The following ALOX5AP variants were observed in gnomAD, a reference collection of about 807,000 sequenced individuals.
The protein encoded by ALOX5AP is arachidonate 5-lipoxygenase-activating protein.
ALOX5AP carries 9 observed loss-of-function variants against 18.5 expected under a neutral mutation model. The ratio of observed to expected loss-of-function variants is 0.49; its 90% CI spans 0.29 to 0.85. The LOEUF (loss-of-function observed/expected upper bound fraction) is 0.85. ALOX5AP is among the 40% of genes least tolerant of loss of function. ALOX5AP has a pLI of 0.08. For synonymous variants in ALOX5AP, 81 were observed against 78.6 expected, an observed-to-expected ratio of 1.03 and a Z score of -0.16; for missense variants, 172 against 202.5, an observed-to-expected ratio of 0.85 and a Z score of 0.91.
chr13:30,717,648 T>C (rs1951559837), intron 1 of ALOX5AP, among the ~76,000 whole-genome samples: 1 of 152,072 alleles, frequency 6.6e-6, no homozygotes, highest in South Asian at 2.1e-4. Flanking sequence ...TAGGGCGAGG[T>C]GTGGAAAGGT....
intron 1 of ALOX5AP, among the ~76,000 whole-genome samples, chr13:30,740,207 A>AT (rs974572603): frequency 2.0e-5 from 3 of 152,130 alleles, no homozygotes; most frequent in Non-Finnish European, 2.9e-5. Context: ...CGTATGAGTT[A>AT]TTTTTTTGAG....
At chr13:30,714,294 T>G (rs1295086222) in intron 1 of ALOX5AP, among the ~76,000 whole-genome samples, 1 of 150,610 alleles carries the variant, frequency 6.6e-6, no homozygotes, top group Non-Finnish European at 1.5e-5. Flanking sequence ...GGAAGCTGGG[T>G]GATCCTTTCT....
intron 2 of ALOX5AP, among the ~76,000 whole-genome samples, chr13:30,745,765 C>A (rs540692503): frequency 6.6e-6 from 1 of 152,182 alleles, no homozygotes; most frequent in African/African-American, 2.4e-5. Flanking sequence ...TTGGACACAT[C>A]CACATGCAAG....
chr13:30,732,833 AAGAG>A (rs375319951), upstream of ALOX5AP, among the ~76,000 whole-genome samples: 1 of 151,922 alleles, frequency 6.6e-6, no homozygotes, highest in African/African-American at 2.4e-5. Context: ...AGAGAAGGGA[AAGAG>A]AGAGAGAAAG....
At chr13:30,742,992 G>A (rs1210740901) in intron 1 of ALOX5AP, among the ~76,000 whole-genome samples, 2 of 151,498 alleles carry the variant, frequency 1.3e-5, no homozygotes, top group African/African-American at 4.9e-5. Flanking sequence ...ATCTGATTCT[G>A]CTAAGTTCCT....
chr13:30,717,212 A>C (rs1007971707), intron 1 of ALOX5AP, among the ~76,000 whole-genome samples: 3 of 152,266 alleles, frequency 2.0e-5, no homozygotes, highest in Non-Finnish European at 4.4e-5. Context: ...AGCTGAGGGC[A>C]GAAGCCAGAC....
intron 1 of ALOX5AP, among the ~76,000 whole-genome samples, chr13:30,730,012 G>A (rs1186142705): frequency 6.6e-6 from 1 of 152,194 alleles, no homozygotes; most frequent in African/African-American, 2.4e-5. Context: ...GAAGTTTTGC[G>A]GATACTACAC....
chr13:30,756,077 C>A (rs754965545), intron 4 of ALOX5AP, 52 bp downstream of exon 4: 1 of 1,545,034 alleles, frequency 6.5e-7, no homozygotes, highest in Admixed American at 1.7e-5. Context: ...GATTTTTGAG[C>A]AGGAAGAGTG....
At chr13:30,752,164 G>T (rs758670042) in intron 3 of ALOX5AP, 42 bp downstream of exon 3, 2 of 1,593,246 alleles carry the variant, frequency 1.3e-6, no homozygotes, top group East Asian at 2.2e-5. Flanking sequence ...TCTATAAAGT[G>T]CATCTCAAGG....
intron 1 of ALOX5AP, among the ~76,000 whole-genome samples, chr13:30,737,897 T>C (rs1171968024): frequency 1.3e-5 from 2 of 152,204 alleles, no homozygotes; most frequent in Non-Finnish European, 2.9e-5. Flanking sequence ...TGTTTTTAAC[T>C]GTGAGTTTTT....
At chr13:30,717,564 C>G (rs922185664) in intron 1 of ALOX5AP, among the ~76,000 whole-genome samples, 3 of 152,224 alleles carry the variant, frequency 2.0e-5, no homozygotes, top group South Asian at 2.1e-4. Flanking sequence ...GCTCACAGAA[C>G]TCAGGGAAAC....
chr13:30,762,326 C>T (rs146764970), intron 4 of ALOX5AP, among the ~76,000 whole-genome samples: 103 of 152,262 alleles, frequency 6.8e-4, no homozygotes, highest in African/African-American at 2.4e-3. Flanking sequence ...TGGTGGCTCA[C>T]GCCTGTAATC....
At chr13:30,756,594 A>C (rs562062683) in intron 4 of ALOX5AP, among the ~76,000 whole-genome samples, 2 of 152,180 alleles carry the variant, frequency 1.3e-5, no homozygotes, top group Non-Finnish European at 2.9e-5. Context: ...GGATCACCTG[A>C]GGTCAGGAGT....
chr13:30,753,980 C>T (rs1951871945), intron 3 of ALOX5AP, among the ~76,000 whole-genome samples: 1 of 152,174 alleles, frequency 6.6e-6, no homozygotes, highest in South Asian at 2.1e-4. Context: ...TGGCTCATGC[C>T]TGTAATCCCA....
rs76751966 is a variant in ALOX5AP at position 30,726,353 on chromosome 13, C to T, written c.117-9198C>T. ...TGTGATTAATGTCAATAGAAAGTGA[C>T]ACCAACCTAGTACACAGAGGACTGA... On this transcript the variant is annotated intron_variant, in intron 1 of 5. Transcript: ENST00000617770. Among the ~76,000 whole-genome samples the T allele has an allele frequency of 5.2e-3, 790 of 152,310 alleles. 5 individuals are homozygous for T. Among genetic ancestry groups the T allele is most frequent in the African/African-American group, 0.018 (764 of 41,552 alleles).
intron 1 of ALOX5AP, among the ~76,000 whole-genome samples, chr13:30,741,359 C>T (rs1265094537): frequency 1.3e-5 from 2 of 150,394 alleles, no homozygotes; most frequent in African/African-American, 4.9e-5. Context: ...CTTTAAGTAA[C>T]CTCTAGATAA....
chr13:30,747,349 G>A (rs1342735506), intron 2 of ALOX5AP, among the ~76,000 whole-genome samples: 1 of 152,136 alleles, frequency 6.6e-6, no homozygotes, highest in Non-Finnish European at 1.5e-5. Flanking sequence ...ACTAATTTTT[G>A]TATTTTTAGT....
intron 1 of ALOX5AP, among the ~76,000 whole-genome samples, chr13:30,729,284 T>G (rs142452133): frequency 5.1e-4 from 77 of 152,346 alleles, no homozygotes; most frequent in African/African-American, 1.8e-3. Context: ...TGTTTATGTT[T>G]AAGACCCATT....
chr13:30,719,018 T>C (rs1002791860), intron 1 of ALOX5AP, among the ~76,000 whole-genome samples: 4 of 152,250 alleles, frequency 2.6e-5, no homozygotes, highest in African/African-American at 9.6e-5. Context: ...GTTGCCATCG[T>C]GCCTGTCAGC....
Sources: gnomAD v4.1 joint callset for allele counts (sites outside exome capture counted in the v4.1 genomes callset) on GRCh38, gnomAD v4.1.1 for gene constraint, MANE v1.5 for transcripts, NCBI Gene and HGNC (gene_info 2026-07-23, HGNC 2026-07-21) for gene names.